The following ANKFY1 variants were observed in gnomAD, a reference collection of about 807,000 sequenced individuals.
ANKFY1 encodes the protein ankyrin repeat and FYVE domain containing 1.
ANKFY1 carries 47 observed loss-of-function variants against 128.3 expected under a neutral mutation model. That is an observed-to-expected ratio of 0.37 (90% CI 0.29 to 0.47). ANKFY1 has a LOEUF of 0.47. Among genes scored for constraint, ANKFY1 ranks in the 20% least tolerant of loss-of-function variants. The pLI is 1.00. For synonymous variants in ANKFY1, 553 were observed against 601.6 expected, an observed-to-expected ratio of 0.92 and a Z score of 1.18; for missense variants, 1,222 against 1,510.6, an observed-to-expected ratio of 0.81 and a Z score of 3.17.
chr17:4,216,975 T>C lies in ANKFY1; in HGVS notation c.458+8A>G. The C allele has an allele frequency of 6.2e-7, 1 of 1,614,100 alleles. No individual in the cohort carries two copies. Among genetic ancestry groups the C allele is most frequent in the Non-Finnish European group, 8.5e-7 (1 of 1,179,998 alleles). The stretch of plus-strand genomic sequence containing the variant: ...CTGAGGTGCTTGAATATATCTGCTG[T>C]GACTTGCCTCTCCCTGAGGAGCTGT... On this transcript the variant is annotated splice_region_variant and intron_variant, in intron 4 of 24. Transcript: ENST00000341657.
At chr17:4,262,727 A>C (rs4790600) in intron 1 of ANKFY1, among the ~76,000 whole-genome samples, 77,771 of 151,874 alleles carry the variant, frequency 0.51, 22,317 homozygotes, top group East Asian at 0.8. Context: ...AGCCGGTGGG[A>C]CAGAGCGAGA....
intron 3 of ANKFY1, 69 bp from the exon 4 acceptor site, chr17:4,217,187 C>T: frequency 6.4e-7 from 1 of 1,560,976 alleles, no homozygotes. Context: ...CAAGGGATCC[C>T]TAAAATTTGA....
intron 3 of ANKFY1, among the ~76,000 whole-genome samples, chr17:4,221,674 A>G (rs923461001): frequency 6.6e-6 from 1 of 152,158 alleles, no homozygotes; most frequent in Admixed American, 6.5e-5. Context: ...GCTGCAGTGC[A>G]GTGGCACATT....
intron 5 of ANKFY1, among the ~76,000 whole-genome samples, chr17:4,209,551 T>C (rs2060089055): frequency 6.6e-6 from 1 of 152,210 alleles, no homozygotes. Context: ...TCTGCCCGCC[T>C]GGGCCTCCCA....
chr17:4,170,406 C>T (rs1377851224), intron 23 of ANKFY1, among the ~76,000 whole-genome samples: 1 of 152,130 alleles, frequency 6.6e-6, no homozygotes, highest in Non-Finnish European at 1.5e-5. Context: ...CTCAAGAGGA[C>T]AGGTGTGCAG....
At chr17:4,246,117 C>A (rs1241650011) in intron 1 of ANKFY1, among the ~76,000 whole-genome samples, 1 of 152,030 alleles carries the variant, frequency 6.6e-6, no homozygotes, top group African/African-American at 2.4e-5. Flanking sequence ...GGCAATTAAG[C>A]CAACGCAGTA....
At chr17:4,212,215 C>T (rs2060145775) in intron 4 of ANKFY1, among the ~76,000 whole-genome samples, 1 of 152,210 alleles carries the variant, frequency 6.6e-6, no homozygotes, top group Admixed American at 6.5e-5. Context: ...GATTTCCTGA[C>T]ATCCACCATT....
intron 1 of ANKFY1, among the ~76,000 whole-genome samples, chr17:4,256,895 G>T (rs1205577210): frequency 6.6e-6 from 1 of 152,138 alleles, no homozygotes; most frequent in African/African-American, 2.4e-5. Context: ...AAAGCTCACC[G>T]TGTATAGCAG....
chr17:4,262,007 G>A (rs1968443727), intron 1 of ANKFY1, among the ~76,000 whole-genome samples: 1 of 152,176 alleles, frequency 6.6e-6, no homozygotes, highest in Non-Finnish European at 1.5e-5. Flanking sequence ...CCCCTCCAGG[G>A]ATATGGTAGA....
At chr17:4,170,534 G>T (rs1053073536) in intron 23 of ANKFY1, among the ~76,000 whole-genome samples, 181 bp downstream of exon 23, 1 of 152,272 alleles carries the variant, frequency 6.6e-6, no homozygotes, top group East Asian at 1.9e-4. Context: ...TGTTCACAGT[G>T]ACCTTCCCAA....
chr17:4,168,008 G>C lies in ANKFY1; in HGVS notation c.3378-97C>G, dbSNP rs4790583. On this transcript the variant is annotated intron_variant, in intron 24 of 24. Transcript: ENST00000341657. ...ACCGCAGCAGGGCCTGGCAGCCAAG[G>C]CGCCCGCAATGCTACTCTGGCAACT... 834,213 of 1,388,312 alleles carry C rather than the reference G, an allele frequency of 0.6. 252,458 individuals are homozygous for C. The highest frequency in any genetic ancestry group is 0.74 in the East Asian group (30,797 of 41,888). The allele number at this position is 1,388,312 out of a possible 1,614,324, so 86.0% of individuals were successfully genotyped here.
chr17:4,214,897 C>G (rs893247772), intron 4 of ANKFY1, among the ~76,000 whole-genome samples: 2 of 152,156 alleles, frequency 1.3e-5, no homozygotes, highest in Non-Finnish European at 2.9e-5. Flanking sequence ...TTCTTTATAT[C>G]ATTCTGTATC....
chr17:4,243,654 C>T lies in ANKFY1; in HGVS notation c.11-1206G>A, dbSNP rs548463156. Among the ~76,000 whole-genome samples the T allele has an allele frequency of 1.2e-4, 18 of 152,268 alleles. No individual in the cohort carries two copies. The South Asian group carries it at 3.7e-3, about 32-fold the overall frequency. On this transcript the variant is annotated intron_variant, in intron 1 of 24. Coordinates refer to ENST00000341657, the MANE Select transcript of ANKFY1 (RefSeq NM_001330063.2). ...GGGATCTGAGCCCAACATTCTTATT[C>T]CAGGGTCTGTAATCATATGAACTAT...
chr17:4,245,736 C>T (rs1363090329), intron 1 of ANKFY1, among the ~76,000 whole-genome samples: 4 of 134,082 alleles, frequency 3.0e-5, no homozygotes, highest in African/African-American at 1.1e-4. Flanking sequence ...GAGCAAGACC[C>T]TGTCTCAAAA....
intron 3 of ANKFY1, among the ~76,000 whole-genome samples, chr17:4,234,053 T>C (rs2060560820): frequency 6.6e-6 from 1 of 152,238 alleles, no homozygotes; most frequent in Non-Finnish European, 1.5e-5. Flanking sequence ...ACCACTGTGT[T>C]ACTGCTGCCT....
At chr17:4,185,528 C>T (rs1458248499) in intron 11 of ANKFY1, among the ~76,000 whole-genome samples, 1 of 151,968 alleles carries the variant, frequency 6.6e-6, no homozygotes, top group African/African-American at 2.4e-5. Flanking sequence ...AGCAGCATCT[C>T]GCTGTGTTGC....
chr17:4,216,829 C>G, intron 4 of ANKFY1, 154 bp downstream of exon 4: 1 of 1,033,518 alleles, frequency 9.7e-7, no homozygotes, highest in Non-Finnish European at 1.5e-6. Flanking sequence ...TAACACAAAG[C>G]AAGGGAGGTA....
At chr17:4,187,425 C>T (rs535315092) in intron 11 of ANKFY1, 4 of 395,888 alleles carry the variant, frequency 1.0e-5, no homozygotes, top group Admixed American at 4.4e-5. Flanking sequence ...GTTTTCTCAG[C>T]TCCAGAAGAA....
At chr17:4,213,395 A>G (rs894246612) in intron 4 of ANKFY1, among the ~76,000 whole-genome samples, 3 of 151,812 alleles carry the variant, frequency 2.0e-5, no homozygotes, top group Non-Finnish European at 4.4e-5. Context: ...TCACCATGGC[A>G]GACTGGGTGC....
Sources: allele counts gnomAD v4.1 joint callset (sites outside exome capture counted in the v4.1 genomes callset), GRCh38; gene constraint gnomAD v4.1.1; transcripts MANE v1.5; gene names NCBI Gene and HGNC (gene_info 2026-07-23, HGNC 2026-07-21).